Variants in NKAIN2 observed in about 807,000 individuals in gnomAD.
NKAIN2 encodes the protein sodium/potassium-transporting ATPase subunit beta-1-interacting protein 2.
NKAIN2 carries 14 observed loss-of-function variants against 32.6 expected under a neutral mutation model. The observed-to-expected ratio is 0.43, with a 90% CI of 0.28 to 0.67. The LOEUF is 0.67. Ranked by LOEUF, NKAIN2 falls within the 30% of genes least tolerant of loss-of-function variation. NKAIN2 has a pLI of 0.17. For synonymous variants in NKAIN2, 80 were observed against 87.2 expected (o/e 0.92, Z 0.46); for missense variants, 198 against 258.3 (o/e 0.77, Z 1.60).
chr6:124,259,470 T>C (rs1227071701), intron 1 of NKAIN2, among the ~76,000 whole-genome samples: 1 of 152,150 alleles, frequency 6.6e-6, no homozygotes, highest in East Asian at 1.9e-4. Flanking sequence ...TCAGTTTCTA[T>C]GTTTATTTAA....
intron 1 of NKAIN2, among the ~76,000 whole-genome samples, chr6:124,079,861 A>G (rs1225254768): frequency 5.9e-5 from 9 of 151,930 alleles, no homozygotes; most frequent in Non-Finnish European, 1.2e-4. Context: ...TTCTTGTGTC[A>G]CTGAGCGAAC....
chr6:124,698,566 G>T (rs1774615160), intron 4 of NKAIN2, among the ~76,000 whole-genome samples: 1 of 152,164 alleles, frequency 6.6e-6, no homozygotes, highest in South Asian at 2.1e-4. Flanking sequence ...GGCAGGCAGT[G>T]TATCTTAGAT....
At chr6:124,076,981 T>C (rs1783723823) in intron 1 of NKAIN2, among the ~76,000 whole-genome samples, 1 of 152,158 alleles carries the variant, frequency 6.6e-6, no homozygotes, top group African/African-American at 2.4e-5. Flanking sequence ...AGATGCTGAA[T>C]AGGCACTTTA....
chr6:124,684,108 C>T (rs1773752358), intron 4 of NKAIN2, among the ~76,000 whole-genome samples: 1 of 152,170 alleles, frequency 6.6e-6, no homozygotes, highest in Non-Finnish European at 1.5e-5. Flanking sequence ...TAACATACAA[C>T]AGTTTTAGGC....
At chr6:123,927,695 C>T (rs963253629) in intron 1 of NKAIN2, among the ~76,000 whole-genome samples, 1 of 152,222 alleles carries the variant, frequency 6.6e-6, no homozygotes, top group Non-Finnish European at 1.5e-5. Context: ...CTACAAGATG[C>T]TTCTTCAGTC....
intron 1 of NKAIN2, among the ~76,000 whole-genome samples, chr6:124,133,435 C>G (rs1244148444): frequency 6.6e-6 from 1 of 152,082 alleles, no homozygotes; most frequent in Non-Finnish European, 1.5e-5. Flanking sequence ...CTCAGCACAT[C>G]TAATTGAGAG....
At chr6:124,566,383 A>C (rs1456409942) in intron 3 of NKAIN2, among the ~76,000 whole-genome samples, 1 of 152,072 alleles carries the variant, frequency 6.6e-6, no homozygotes, top group Non-Finnish European at 1.5e-5. Flanking sequence ...CTGTGAGTAG[A>C]GGTGATGTCT....
At chr6:123,965,735 A>T (rs1389863628) in intron 1 of NKAIN2, among the ~76,000 whole-genome samples, 1 of 152,176 alleles carries the variant, frequency 6.6e-6, no homozygotes, top group Non-Finnish European at 1.5e-5. Context: ...TTCAAATGCC[A>T]CTTTATCCAC....
intron 1 of NKAIN2, among the ~76,000 whole-genome samples, chr6:124,190,161 C>T (rs1475866514): frequency 6.6e-6 from 1 of 152,170 alleles, no homozygotes; most frequent in Non-Finnish European, 1.5e-5. Context: ...TCATAGAGGC[C>T]ACCTCTAATG....
intron 4 of NKAIN2, among the ~76,000 whole-genome samples, chr6:124,745,912 A>G (rs973174630): frequency 1.3e-5 from 2 of 151,914 alleles, no homozygotes; most frequent in African/African-American, 2.4e-5. Context: ...TTAAAAAGCC[A>G]AGAATTATTA....
At chr6:124,383,448 A>T (rs1772736439) in intron 3 of NKAIN2, among the ~76,000 whole-genome samples, 2 of 152,138 alleles carry the variant, frequency 1.3e-5, no homozygotes, top group South Asian at 4.1e-4. Context: ...TTGGTATATA[A>T]GGCCTGGCAC....
chr6:124,695,954 G>A (rs1774477183), intron 4 of NKAIN2, among the ~76,000 whole-genome samples: 2 of 152,196 alleles, frequency 1.3e-5, no homozygotes, highest in African/African-American at 4.8e-5. Flanking sequence ...AGGGGAAACT[G>A]CTTTTGTGCT....
intron 1 of NKAIN2, among the ~76,000 whole-genome samples, chr6:124,232,763 T>G (rs906494053): frequency 6.6e-6 from 1 of 150,642 alleles, no homozygotes; most frequent in African/African-American, 2.4e-5. Context: ...AAAAAAAAAA[T>G]GATCTTGGTT....
At chr6:124,594,079 C>T (rs967411693) in intron 3 of NKAIN2, among the ~76,000 whole-genome samples, 11 of 152,210 alleles carry the variant, frequency 7.2e-5, no homozygotes, top group African/African-American at 2.6e-4. Context: ...AGGTGACTAA[C>T]GATCATTAGT....
At chr6:124,178,303 T>TC (rs1222748535) in intron 1 of NKAIN2, among the ~76,000 whole-genome samples, 2 of 151,198 alleles carry the variant, frequency 1.3e-5, no homozygotes, top group African/African-American at 4.9e-5. Flanking sequence ...CATTAACTTT[T>TC]TTTTTTTTTT....
intron 3 of NKAIN2, among the ~76,000 whole-genome samples, chr6:124,591,301 T>G (rs1476390368): frequency 6.6e-6 from 1 of 152,142 alleles, no homozygotes; most frequent in Non-Finnish European, 1.5e-5. Flanking sequence ...TGGACAGAAA[T>G]GTACATGTGA....
intron 2 of NKAIN2, among the ~76,000 whole-genome samples, chr6:124,295,065 C>T (rs1350709114): frequency 2.6e-5 from 4 of 152,044 alleles, no homozygotes; most frequent in African/African-American, 9.7e-5. Flanking sequence ...GGAAGTGAAG[C>T]GACTACCATA....
intron 4 of NKAIN2, among the ~76,000 whole-genome samples, chr6:124,693,398 G>C (rs940974506): frequency 2.0e-5 from 3 of 152,178 alleles, no homozygotes; most frequent in Non-Finnish European, 4.4e-5. Flanking sequence ...AGTACACTCT[G>C]TGATGTTCAA....
intron 1 of NKAIN2, among the ~76,000 whole-genome samples, chr6:124,025,100 A>G (rs1309120536): frequency 6.6e-6 from 1 of 152,210 alleles, no homozygotes; most frequent in African/African-American, 2.4e-5. Context: ...CCTGGGAACT[A>G]TGTGTATAGA....
Sources: allele counts gnomAD v4.1 joint callset (sites outside exome capture counted in the v4.1 genomes callset), GRCh38; gene constraint gnomAD v4.1.1; transcripts MANE v1.5; gene names NCBI Gene and HGNC (gene_info 2026-07-23, HGNC 2026-07-21).